Variants in NDST3 observed in about 807,000 individuals in gnomAD.
NDST3 encodes bifunctional heparan sulfate N-deacetylase/N-sulfotransferase 3.
Under a neutral mutation model 96.1 loss-of-function variants are expected in NDST3, and 58 were observed. The observed-to-expected ratio is 0.60, with a 90% CI of 0.49 to 0.75. The LOEUF (loss-of-function observed/expected upper bound fraction) is 0.75, where lower values mean the gene tolerates loss of function less well. Ranked by LOEUF, NDST3 falls within the 30% of genes least tolerant of loss-of-function variation. The pLI is 0.00. For synonymous variants in NDST3, 333 were observed against 359.7 expected (o/e 0.93, Z 0.84); for missense variants, 788 against 1,034.2 (o/e 0.76, Z 3.27).
At chr4:118,150,004 T>C (rs1486075993) in intron 6 of NDST3, among the ~76,000 whole-genome samples, 3 of 151,438 alleles carry the variant, frequency 2.0e-5, no homozygotes, top group Non-Finnish European at 4.4e-5. Flanking sequence ...TCTGCATCTA[T>C]TGAGATAATC....
intron 6 of NDST3, among the ~76,000 whole-genome samples, chr4:118,162,178 A>T (rs1269549336): frequency 6.6e-6 from 1 of 152,206 alleles, no homozygotes; most frequent in Admixed American, 6.5e-5. Flanking sequence ...ATACTGCCCA[A>T]GGTAATTTAC....
At chr4:118,086,350 T>C (rs1201930457) in intron 2 of NDST3, among the ~76,000 whole-genome samples, 1 of 152,208 alleles carries the variant, frequency 6.6e-6, no homozygotes, top group Non-Finnish European at 1.5e-5. Context: ...AAGTTTGTCT[T>C]TCATTTATTG....
chr4:118,189,140 C>A (rs1349876071), intron 6 of NDST3, among the ~76,000 whole-genome samples: 1 of 152,138 alleles, frequency 6.6e-6, no homozygotes, highest in African/African-American at 2.4e-5. Context: ...ACCTCTGCAT[C>A]CCAGGCTCAA....
At chr4:118,055,051 T>C in intron 2 of NDST3, 160 bp downstream of exon 2, 1 of 846,016 alleles carries the variant, frequency 1.2e-6, no homozygotes. Context: ...ACTAAGAAGA[T>C]TATGTATTTC....
intron 12 of NDST3, among the ~76,000 whole-genome samples, chr4:118,253,089 T>A (rs1390558735): frequency 1.3e-5 from 2 of 152,316 alleles, no homozygotes; most frequent in Non-Finnish European, 2.9e-5. Flanking sequence ...AAGTAGCATC[T>A]AAATCCATAG....
At chr4:118,156,154 C>T (rs542967446) in intron 6 of NDST3, among the ~76,000 whole-genome samples, 2 of 152,136 alleles carry the variant, frequency 1.3e-5, no homozygotes, top group South Asian at 2.1e-4. Flanking sequence ...TTATATGCAC[C>T]TTTCACTCCA....
At chr4:118,247,318 G>A (rs1291370739) in intron 12 of NDST3, among the ~76,000 whole-genome samples, 5 of 152,060 alleles carry the variant, frequency 3.3e-5, no homozygotes, top group East Asian at 1.9e-4. Flanking sequence ...TTGGGAGGCC[G>A]AGGCAGGCAG....
intron 6 of NDST3, among the ~76,000 whole-genome samples, chr4:118,144,306 G>A (rs1304469868): frequency 6.6e-6 from 1 of 151,650 alleles, no homozygotes; most frequent in African/African-American, 2.4e-5. Context: ...TCAGCCTCCC[G>A]AGTAGCTGGG....
intron 6 of NDST3, among the ~76,000 whole-genome samples, chr4:118,191,709 A>G (rs2125965951): frequency 6.6e-6 from 1 of 152,348 alleles, no homozygotes; most frequent in Non-Finnish European, 1.5e-5. Flanking sequence ...TGTGTAAAAA[A>G]CAATTCAATT....
intron 6 of NDST3, among the ~76,000 whole-genome samples, chr4:118,211,170 CA>C (rs1439701334): frequency 6.6e-6 from 1 of 151,966 alleles, no homozygotes; most frequent in African/African-American, 2.4e-5. Context: ...TTCTTTGAAC[CA>C]AAAGATTTAA....
intron 4 of NDST3, among the ~76,000 whole-genome samples, chr4:118,133,333 C>A (rs1194242917): frequency 6.6e-6 from 1 of 152,178 alleles, no homozygotes; most frequent in Non-Finnish European, 1.5e-5. Context: ...TGGATTTGCT[C>A]TCTGCTATGA....
intron 6 of NDST3, chr4:118,194,401 A>G (rs1005592490): frequency 2.5e-4 from 183 of 734,576 alleles, no homozygotes; most frequent in Admixed American, 1.6e-4. Flanking sequence ...TCTTTGGAGG[A>G]CTGCCTGCTG....
At chr4:118,107,097 T>A (rs1414936001) in intron 3 of NDST3, among the ~76,000 whole-genome samples, 4 of 72,598 alleles carry the variant, frequency 5.5e-5, no homozygotes, top group Admixed American at 3.1e-4. Context: ...CTCAAAATAA[T>A]AATAATAATA....
At chr4:118,078,013 G>A (rs1245756412) in intron 2 of NDST3, among the ~76,000 whole-genome samples, 1 of 149,724 alleles carries the variant, frequency 6.7e-6, no homozygotes, top group South Asian at 2.1e-4. Flanking sequence ...ACTTCTGGGT[G>A]GCTCTGTGCC....
At chr4:118,060,195 T>C (rs1460674619) in intron 2 of NDST3, among the ~76,000 whole-genome samples, 1 of 152,134 alleles carries the variant, frequency 6.6e-6, no homozygotes, top group African/African-American at 2.4e-5. Flanking sequence ...CCAACTCTGA[T>C]GGTTGATTGT....
chr4:118,081,379 A>G (rs150391984), intron 2 of NDST3, among the ~76,000 whole-genome samples: 101 of 151,508 alleles, frequency 6.7e-4, no homozygotes, highest in African/African-American at 2.3e-3. Flanking sequence ...AACTCAGTTT[A>G]TTTTTTAAAT....
At chr4:118,248,320 C>T (rs1203632211) in intron 12 of NDST3, among the ~76,000 whole-genome samples, 2 of 151,950 alleles carry the variant, frequency 1.3e-5, no homozygotes, top group East Asian at 1.9e-4. Flanking sequence ...CACTTCACTC[C>T]AGCCTGGGCG....
chr4:118,229,061 G>A (rs1740097001), intron 8 of NDST3, among the ~76,000 whole-genome samples: 1 of 152,162 alleles, frequency 6.6e-6, no homozygotes, highest in Admixed American at 6.5e-5. Context: ...AGCACTTTGG[G>A]AGACCAAGGC....
intron 2 of NDST3, among the ~76,000 whole-genome samples, chr4:118,098,048 GT>G (rs36035970): frequency 0.054 from 8,143 of 151,324 alleles, 308 homozygotes; most frequent in Middle Eastern, 0.082. Flanking sequence ...AATTACTGTG[GT>G]TTTTTTTAAG....
Sources: allele counts gnomAD v4.1 joint callset (sites outside exome capture counted in the v4.1 genomes callset), GRCh38; gene constraint gnomAD v4.1.1; transcripts MANE v1.5; gene names NCBI Gene and HGNC (gene_info 2026-07-23, HGNC 2026-07-21).